CCDC178: variants seen among roughly 807,000 people sequenced by gnomAD.
CCDC178 encodes coiled-coil domain containing 178.
In CCDC178, 126 loss-of-function variants were observed where a neutral mutation model predicts 117.4. The ratio of observed to expected loss-of-function variants is 1.07; its 90% CI spans 0.93 to 1.24. The LOEUF is 1.24. Among genes scored for constraint, CCDC178 ranks in the 50% most tolerant of loss-of-function variants. The pLI is 0.00. For missense variants in CCDC178, 1,030 were observed against 986.9 expected, an observed-to-expected ratio of 1.04 and a Z score of -0.59; for synonymous variants, 283 against 313.4, an observed-to-expected ratio of 0.90 and a Z score of 1.02.
chr18:33,333,083 ACC>A, intron 10 of CCDC178, 89 bp downstream of exon 10: 2 of 668,226 alleles, frequency 3.0e-6, no homozygotes, highest in Non-Finnish European at 4.9e-6. Context: ...AAAAAAAAAA[ACC>A]TTTAAAGCTG....
chr18:33,076,484 G>A (rs182121343), intron 21 of CCDC178, among the ~76,000 whole-genome samples: 16 of 152,320 alleles, frequency 1.1e-4, no homozygotes, highest in Admixed American at 9.1e-4. Flanking sequence ...TTTCAGAAAT[G>A]AGAGTTTCTA....
intron 20 of CCDC178, among the ~76,000 whole-genome samples, chr18:33,169,620 C>T (rs571992397): frequency 2.0e-5 from 3 of 152,148 alleles, no homozygotes; most frequent in Non-Finnish European, 4.4e-5. Flanking sequence ...TTTTATATTC[C>T]TTCTGTCAGA....
At chr18:33,187,357 G>A (rs115065032) in intron 20 of CCDC178, among the ~76,000 whole-genome samples, 3,234 of 152,098 alleles carry the variant, frequency 0.021, 134 homozygotes, top group African/African-American at 0.074. Flanking sequence ...ATCTTCATCT[G>A]TAGCCTCTTT....
chr18:33,367,545 A>G (rs1411341535), intron 6 of CCDC178, among the ~76,000 whole-genome samples: 3 of 152,024 alleles, frequency 2.0e-5, no homozygotes, highest in Non-Finnish European at 2.9e-5. Flanking sequence ...TTTTGGTAAT[A>G]TTATCACTTT....
At chr18:33,011,936 T>C (rs937596808) in intron 21 of CCDC178, among the ~76,000 whole-genome samples, 2 of 152,038 alleles carry the variant, frequency 1.3e-5, no homozygotes, top group African/African-American at 4.8e-5. Context: ...TTGATTTTCT[T>C]GCAAGACAGG....
chr18:33,330,315 G>A (rs2144619665), intron 10 of CCDC178, among the ~76,000 whole-genome samples: 1 of 152,158 alleles, frequency 6.6e-6, no homozygotes, highest in East Asian at 1.9e-4. Context: ...TAGCATCTCA[G>A]TTTCATGATG....
intron 21 of CCDC178, among the ~76,000 whole-genome samples, chr18:33,015,271 A>G (rs1410109200): frequency 6.6e-6 from 1 of 151,506 alleles, no homozygotes; most frequent in Non-Finnish European, 1.5e-5. Flanking sequence ...AAGAAAAAAA[A>G]AAAAAAGGAA....
At chr18:33,070,965 G>T (rs1041063946) in intron 21 of CCDC178, among the ~76,000 whole-genome samples, 1 of 151,996 alleles carries the variant, frequency 6.6e-6, no homozygotes, top group African/African-American at 2.4e-5. Flanking sequence ...ACCAACAGAG[G>T]TCATAAAGAT....
At chr18:33,395,975 C>T (rs994454729) in intron 4 of CCDC178, among the ~76,000 whole-genome samples, 3 of 151,756 alleles carry the variant, frequency 2.0e-5, no homozygotes, top group Non-Finnish European at 2.9e-5. Context: ...AAAATAATAA[C>T]GTTTGTGCAT....
intron 2 of CCDC178, 56 bp from the exon 3 acceptor site, chr18:33,412,166 T>C (rs903381588): frequency 9.9e-6 from 7 of 703,972 alleles, no homozygotes; most frequent in African/African-American, 3.7e-5. Context: ...TTATATTTAA[T>C]TTTACTAAAA....
chr18:33,284,522 T>C (rs1187566008), intron 12 of CCDC178, among the ~76,000 whole-genome samples: 1 of 152,216 alleles, frequency 6.6e-6, no homozygotes, highest in Non-Finnish European at 1.5e-5. Context: ...ATTATTCATA[T>C]ATATTACAAG....
intron 2 of CCDC178, among the ~76,000 whole-genome samples, chr18:33,416,012 A>G (rs2063935195): frequency 6.6e-6 from 1 of 152,228 alleles, no homozygotes; most frequent in South Asian, 2.1e-4. Context: ...CAATGGGTAT[A>G]GACAAAATAA....
At chr18:33,126,593 T>C (rs1449785311) in intron 20 of CCDC178, among the ~76,000 whole-genome samples, 1 of 151,960 alleles carries the variant, frequency 6.6e-6, no homozygotes, top group Non-Finnish European at 1.5e-5. Context: ...GGAACTCATG[T>C]ATATGAAAAG....
intron 21 of CCDC178, among the ~76,000 whole-genome samples, chr18:33,011,795 A>C (rs1306110091): frequency 8.2e-6 from 1 of 121,982 alleles, no homozygotes; most frequent in African/African-American, 3.5e-5. Flanking sequence ...AAAAAAAAAA[A>C]AAAAAAAAAA....
At chr18:33,310,981 G>C (rs1188188342) in intron 11 of CCDC178, among the ~76,000 whole-genome samples, 1 of 151,956 alleles carries the variant, frequency 6.6e-6, no homozygotes, top group Non-Finnish European at 1.5e-5. Flanking sequence ...GAAAAAAAGA[G>C]GTGGGTACTC....
chr18:33,003,788 C>T lies in CCDC178; in HGVS notation c.2389-29107G>A, dbSNP rs147644967. Among the ~76,000 whole-genome samples, 600 of 152,088 alleles carry T rather than the reference C, an allele frequency of 3.9e-3. 4 individuals carry two copies. Among genetic ancestry groups the T allele is most frequent in the African/African-American group, 0.012 (499 of 41,522 alleles). On this transcript the variant is annotated intron_variant, in intron 21 of 22. Coordinates refer to ENST00000383096, the MANE Select transcript of CCDC178 (RefSeq NM_001105528.4). ...TCTTATATTTGGAAAAACCTAAAGA[C>T]GCCACCAAAAACTAGTAGAACTGAT...
chr18:33,196,684 C>A (rs1052618891), intron 20 of CCDC178, among the ~76,000 whole-genome samples: 1 of 152,080 alleles, frequency 6.6e-6, no homozygotes, highest in African/African-American at 2.4e-5. Context: ...ATACGAATAT[C>A]TTTAAACTAG....
intron 20 of CCDC178, among the ~76,000 whole-genome samples, chr18:33,100,528 G>T (rs201108250): frequency 6.6e-6 from 1 of 151,946 alleles, no homozygotes; most frequent in East Asian, 1.9e-4. Flanking sequence ...TCCACATAAC[G>T]ATAGTAGTTC....
At chr18:33,149,965 A>T (rs1336927245) in intron 20 of CCDC178, among the ~76,000 whole-genome samples, 1 of 152,180 alleles carries the variant, frequency 6.6e-6, no homozygotes, top group Non-Finnish European at 1.5e-5. Context: ...AAATCTGGAG[A>T]TATCACATTA....
Sources: allele counts gnomAD v4.1 joint callset (sites outside exome capture counted in the v4.1 genomes callset), GRCh38; gene constraint gnomAD v4.1.1; transcripts MANE v1.5; gene names NCBI Gene and HGNC (gene_info 2026-07-23, HGNC 2026-07-21).